The following RALB variants were observed in gnomAD, a reference collection of about 807,000 sequenced individuals.
The protein encoded by RALB is ras-related protein Ral-B.
Under a neutral mutation model 21.3 loss-of-function variants are expected in RALB, and 16 were observed. The ratio of observed to expected loss-of-function variants is 0.75; its 90% CI spans 0.51 to 1.14. RALB has a LOEUF of 1.14. Ranked by LOEUF, RALB falls within the 50% of genes most tolerant of loss-of-function variation. The pLI is 0.00. For missense variants in RALB, 161 were observed against 256.2 expected (o/e 0.63, Z 2.54); for synonymous variants, 93 against 96.1 (o/e 0.97, Z 0.19).
intron 1 of RALB, among the ~76,000 whole-genome samples, chr2:120,275,418 A>C (rs1689767596): frequency 6.6e-6 from 1 of 152,210 alleles, no homozygotes. Context: ...TCAGCTGTGC[A>C]TTTAAGAGCA....
chr2:120,292,790 TAA>T (rs924793071), intron 4 of RALB, among the ~76,000 whole-genome samples: 2 of 144,792 alleles, frequency 1.4e-5, no homozygotes. Context: ...TGTCTGAATT[TAA>T]AAAAAAAAAA....
chr2:120,293,184 C>T lies in RALB; in HGVS notation c.545C>T (p.Ser182Leu), dbSNP rs766062021. ...LMREIRTKKM[S>L]ENKDKNGKKS... ...AGAGAAATCAGAACAAAGAAGATGT[C>T]AGAAAACAAAGACAAGAATGGCAAG... Residue 182 changes from serine (S) to leucine (L), a missense_variant, in exon 5 of 5, where the codon TCA (serine) becomes TTA (leucine). By Grantham distance (145) the Ser-to-Leu change is moderately radical. Coordinates refer to ENST00000272519, the MANE Select transcript of RALB (RefSeq NM_002881.3). 6.2e-7 allele frequency: 1 copy of T among 1,613,516 alleles called. No individual in the cohort carries two copies. Among genetic ancestry groups the T allele is most frequent in the Non-Finnish European group, 8.5e-7 (1 of 1,179,714 alleles).
chr2:120,246,669 G>T (rs1688975775), intron 1 of RALB, among the ~76,000 whole-genome samples: 1 of 152,264 alleles, frequency 6.6e-6, no homozygotes, highest in African/African-American at 2.4e-5. Context: ...ATCCGCCTGG[G>T]TGCGGTCAGC....
intron 1 of RALB, among the ~76,000 whole-genome samples, chr2:120,255,309 T>C (rs573738820): frequency 2.6e-5 from 4 of 152,284 alleles, no homozygotes; most frequent in East Asian, 1.9e-4. Flanking sequence ...CTGAATGTTA[T>C]CGCAAAGAGA....
chr2:120,262,612 C>T (rs1689393732), intron 1 of RALB, among the ~76,000 whole-genome samples: 1 of 152,128 alleles, frequency 6.6e-6, no homozygotes, highest in South Asian at 2.1e-4. Context: ...TGTTCTAGCA[C>T]CGTAGTTCCC....
intron 4 of RALB, among the ~76,000 whole-genome samples, chr2:120,290,642 T>G (rs1236933800): frequency 2.6e-5 from 4 of 151,928 alleles, no homozygotes. Flanking sequence ...CTTTTTTTTT[T>G]TTATCTCTTA....
chr2:120,290,273 G>A (rs185950355), intron 4 of RALB, among the ~76,000 whole-genome samples: 5 of 152,298 alleles, frequency 3.3e-5, no homozygotes, highest in Admixed American at 6.5e-5. Context: ...ACAGGTGTGA[G>A]CCACCACACC....
upstream of RALB, among the ~76,000 whole-genome samples, chr2:120,248,667 T>G (rs1358522171): frequency 1.3e-5 from 2 of 152,196 alleles, no homozygotes; most frequent in Non-Finnish European, 2.9e-5. Flanking sequence ...GTTTTTTCTT[T>G]TTTCTGACAG....
intron 1 of RALB, among the ~76,000 whole-genome samples, chr2:120,254,285 GAGA>G (rs897632220): frequency 1.3e-5 from 2 of 152,174 alleles, no homozygotes; most frequent in Non-Finnish European, 2.9e-5. Flanking sequence ...AGGAGCGGGG[GAGA>G]AGAAGGCCAG....
At chr2:120,257,886 C>G (rs1413368481) in intron 1 of RALB, among the ~76,000 whole-genome samples, 1 of 152,178 alleles carries the variant, frequency 6.6e-6, no homozygotes, top group Admixed American at 6.5e-5. Flanking sequence ...TGTGTTACCT[C>G]TAGTAATACT....
At chr2:120,278,586 C>G in intron 1 of RALB, 32 bp from the exon 2 acceptor site, 9 of 1,391,946 alleles carry the variant, frequency 6.5e-6, no homozygotes, top group Non-Finnish European at 8.4e-6. Context: ...GAAAGCAAAT[C>G]GCCTCTAAGT....
intron 2 of RALB, among the ~76,000 whole-genome samples, chr2:120,282,250 G>A (rs1456469608): frequency 1.3e-5 from 2 of 151,954 alleles, no homozygotes; most frequent in Admixed American, 1.3e-4. Flanking sequence ...AGGCCGAGGC[G>A]GGCAGATCAC....
At chr2:120,289,514 G>A in intron 3 of RALB, 66 bp from the exon 4 acceptor site, 1 of 1,503,336 alleles carries the variant, frequency 6.7e-7, no homozygotes. Context: ...ATTTTAGATG[G>A]GTTCACAAAA....
intron 1 of RALB, among the ~76,000 whole-genome samples, chr2:120,259,273 C>T (rs1249725775): frequency 2.6e-5 from 4 of 152,226 alleles, no homozygotes; most frequent in South Asian, 2.1e-4. Context: ...GCCCCACCCA[C>T]ATCCTGCTGA....
chr2:120,265,392 C>T (rs551021638), intron 1 of RALB, among the ~76,000 whole-genome samples: 104 of 152,296 alleles, frequency 6.8e-4, no homozygotes, highest in Admixed American at 2.4e-3. Context: ...ATGGGACCAC[C>T]GTTGTATTAT....
At chr2:120,273,076 C>A (rs1689705743) in intron 1 of RALB, among the ~76,000 whole-genome samples, 1 of 152,166 alleles carries the variant, frequency 6.6e-6, no homozygotes, top group African/African-American at 2.4e-5. Context: ...CAGACAAAAC[C>A]AATTCACTGA....
chr2:120,275,858 G>T, intron 1 of RALB, among the ~76,000 whole-genome samples: 1 of 152,170 alleles, frequency 6.6e-6, no homozygotes, highest in Middle Eastern at 3.2e-3. Context: ...TTGAATAGGA[G>T]AAAGAAAGAG....
At chr2:120,252,668 TG>T, upstream of RALB, 1 of 537,892 alleles carries the variant, frequency 1.9e-6, no homozygotes, top group Non-Finnish European at 2.4e-6. Flanking sequence ...CCCCCGTGCC[TG>T]GGGCAGCTTC....
At chr2:120,273,325 C>G (rs949850434) in intron 1 of RALB, among the ~76,000 whole-genome samples, 1 of 151,064 alleles carries the variant, frequency 6.6e-6, no homozygotes, top group Non-Finnish European at 1.5e-5. Context: ...CGAGGAACCA[C>G]AGGACTGGTT....
Sources: gnomAD v4.1 joint callset for allele counts (sites outside exome capture counted in the v4.1 genomes callset) on GRCh38, gnomAD v4.1.1 for gene constraint, MANE v1.5 for transcripts, NCBI Gene and HGNC (gene_info 2026-07-23, HGNC 2026-07-21) for gene names.